Variants in CLEC12A observed in about 807,000 individuals in gnomAD.
CLEC12A encodes C-type lectin domain family 12 member A.
A neutral mutation model predicts 26.5 loss-of-function variants in CLEC12A; 22 were observed. That is an observed-to-expected ratio of 0.83 (90% CI 0.59 to 1.19). CLEC12A has a LOEUF of 1.19. CLEC12A is among the 50% of genes most tolerant of loss of function. The probability of loss-of-function intolerance (pLI) is 0.00; values close to 1 mark genes in which losing one functional copy is unlikely to be tolerated. For synonymous variants in CLEC12A, 119 were observed against 101.9 expected (o/e 1.17, Z -1.01); for missense variants, 353 against 315.6 (o/e 1.12, Z -0.90).
Position 9,981,892 on chromosome 12 carries a change from C to T in CLEC12A, c.532-128C>T, listed in dbSNP as rs376863506. On this transcript the variant is annotated intron_variant, in intron 4 of 5. Transcript: ENST00000304361. ...ACTTTCTTTCAATTTCTTATAATGA[C>T]ATTTAATAGTAGTAGTGCAATGTCC... The T allele has an allele frequency of 2.5e-5, 13 of 526,804 alleles. No individual in the cohort carries two copies. In the East Asian group the frequency reaches 4.0e-4, roughly 16 times the overall value. The allele number at this position is 526,804 out of a possible 1,614,324, so 32.6% of individuals were successfully genotyped here.
downstream of CLEC12A, chr12:9,985,651 T>A (rs1864747931): frequency 2.5e-6 from 1 of 392,720 alleles, no homozygotes; most frequent in East Asian, 3.6e-5. Flanking sequence ...TAAGCTTGGC[T>A]TTTGTTAAAG....
chr12:9,951,752 T>G (rs1863614102), intron 1 of CLEC12A: 2 of 267,050 alleles, frequency 7.5e-6, no homozygotes, highest in Non-Finnish European at 1.5e-5. Flanking sequence ...AGATCAGGGT[T>G]TGATCTGAGT....
At chr12:9,952,320 C>G (rs1381872438) in intron 1 of CLEC12A, among the ~76,000 whole-genome samples, 1 of 150,612 alleles carries the variant, frequency 6.6e-6, no homozygotes, top group Non-Finnish European at 1.5e-5. Context: ...CGAGTGCCTG[C>G]GATTGCAGGC....
At chr12:9,968,141 A>C (rs773741364), upstream of CLEC12A, among the ~76,000 whole-genome samples, 1 of 152,136 alleles carries the variant, frequency 6.6e-6, no homozygotes, top group Non-Finnish European at 1.5e-5. Context: ...AATTGGTGAG[A>C]TGTTCCTTGG....
chr12:9,976,586 C>T (rs1430706062), intron 1 of CLEC12A, among the ~76,000 whole-genome samples: 1 of 152,150 alleles, frequency 6.6e-6, no homozygotes, highest in African/African-American at 2.4e-5. Flanking sequence ...GTGGAAGGGA[C>T]TTGCCTTGTC....
intron 1 of CLEC12A, among the ~76,000 whole-genome samples, chr12:9,973,265 A>G (rs1864198590): frequency 6.6e-6 from 1 of 152,126 alleles, no homozygotes; most frequent in Non-Finnish European, 1.5e-5. Flanking sequence ...GTTTGAGACC[A>G]GCCTGGGGAA....
chr12:9,994,039 A>C (rs1174887677), intron 4 of CLEC12A, among the ~76,000 whole-genome samples: 1 of 152,106 alleles, frequency 6.6e-6, no homozygotes, highest in African/African-American at 2.4e-5. Context: ...CAGTGGTAAG[A>C]GTTACAAAGA....
intron 4 of CLEC12A, chr12:9,993,468 C>A: frequency 1.7e-6 from 1 of 604,702 alleles, no homozygotes; most frequent in Non-Finnish European, 2.9e-6. Flanking sequence ...ACAAGATATG[C>A]ATATTTAAAA....
At chr12:9,983,053 C>T (rs963441886) in intron 5 of CLEC12A, among the ~76,000 whole-genome samples, 9 of 151,932 alleles carry the variant, frequency 5.9e-5, no homozygotes, top group East Asian at 3.9e-4. Context: ...TGCAATAATC[C>T]GTTGATGGAC....
At position 9,980,937 on chromosome 12, in the gene CLEC12A, A is replaced by G. The variant is rs1049934159; in HGVS notation, c.531+204A>G. On this transcript the variant is annotated intron_variant, in intron 4 of 5. Transcript: ENST00000304361. ...AGCATAAGAGAAATATTACTAGCTGACAGGTAGATGAGTATTACAGGGCAC... is the reference window on the plus strand; with the variant it reads ...AGCATAAGAGAAATATTACTAGCTGGCAGGTAGATGAGTATTACAGGGCAC... Among the ~76,000 whole-genome samples the G allele has an allele frequency of 3.9e-5, 6 of 152,330 alleles. No homozygotes were observed. In the South Asian group the frequency reaches 1.2e-3, roughly 32 times the overall value.
chr12:9,987,444 A>G (rs1345346418), downstream of CLEC12A, among the ~76,000 whole-genome samples: 3 of 152,212 alleles, frequency 2.0e-5, no homozygotes, highest in Non-Finnish European at 4.4e-5. Flanking sequence ...GCCCCAATAA[A>G]TGTGCCACAA....
upstream of CLEC12A, among the ~76,000 whole-genome samples, chr12:9,971,235 G>GT (rs1301192343): frequency 6.6e-6 from 1 of 152,170 alleles, no homozygotes; most frequent in Non-Finnish European, 1.5e-5. Context: ...TGTGGTGCTA[G>GT]TTATTTGTGT....
chr12:9,951,576 C>T (rs1351291946), intron 1 of CLEC12A: 1 of 540,350 alleles, frequency 1.9e-6, no homozygotes, highest in East Asian at 3.1e-5. Flanking sequence ...CTGCTTTTCT[C>T]AATTTGAGAA....
At chr12:9,954,205 T>TA (rs35173002) in intron 1 of CLEC12A, among the ~76,000 whole-genome samples, 3,199 of 64,472 alleles carry the variant, frequency 0.05, 156 homozygotes, top group African/African-American at 0.071. Context: ...GAATTATCAA[T>TA]AAAAAAAAAA....
downstream of CLEC12A, among the ~76,000 whole-genome samples, chr12:9,989,383 C>T (rs980716019): frequency 3.3e-5 from 5 of 149,292 alleles, no homozygotes; most frequent in Middle Eastern, 3.4e-3. Flanking sequence ...AAAGAAATTA[C>T]AAGTGCTGCT....
At chr12:10,006,006 C>T in the CLEC12A span, among the ~76,000 whole-genome samples, 1 of 152,168 alleles carries the variant, frequency 6.6e-6, no homozygotes, top group Non-Finnish European at 1.5e-5. Context: ...ATGAATCCTT[C>T]TGTCATGTTA....
chr12:9,956,704 T>C (rs1400049149), intron 1 of CLEC12A, among the ~76,000 whole-genome samples: 1 of 152,216 alleles, frequency 6.6e-6, no homozygotes, highest in Non-Finnish European at 1.5e-5. Flanking sequence ...TATAATAAGA[T>C]TAAAACAGAT....
intron 1 of CLEC12A, among the ~76,000 whole-genome samples, chr12:9,957,501 A>C (rs12812684): frequency 0.12 from 17,685 of 151,586 alleles, 3,352 homozygotes; most frequent in African/African-American, 0.4. Flanking sequence ...AAAAAAAAAA[A>C]AAACAAAAAA....
chr12:10,006,112 A>G, the CLEC12A span, among the ~76,000 whole-genome samples: 3 of 152,240 alleles, frequency 2.0e-5, no homozygotes, highest in Non-Finnish European at 4.4e-5. Flanking sequence ...ATTTTCTGAC[A>G]AGTTTAATTC....
Sources: allele counts gnomAD v4.1 joint callset (sites outside exome capture counted in the v4.1 genomes callset), GRCh38; gene constraint gnomAD v4.1.1; transcripts MANE v1.5; gene names NCBI Gene and HGNC (gene_info 2026-07-23, HGNC 2026-07-21).